SLC24A2: variants seen among roughly 807,000 people sequenced by gnomAD.
SLC24A2 encodes the protein sodium/potassium/calcium exchanger 2.
A neutral mutation model predicts 62.0 loss-of-function variants in SLC24A2; 36 were observed. That is an observed-to-expected ratio of 0.58 (90% CI 0.44 to 0.77). The LOEUF is 0.77. Among genes scored for constraint, SLC24A2 ranks in the 30% least tolerant of loss-of-function variants. The probability of loss-of-function intolerance (pLI) is 0.00; values close to 1 mark genes in which losing one functional copy is unlikely to be tolerated. For missense variants in SLC24A2, 846 were observed against 817.9 expected, an observed-to-expected ratio of 1.03 and a Z score of -0.42; for synonymous variants, 358 against 294.0, an observed-to-expected ratio of 1.22 and a Z score of -2.23.
At chr9:20,220,141 G>C in the SLC24A2 span, among the ~76,000 whole-genome samples, 1 of 151,396 alleles carries the variant, frequency 6.6e-6, no homozygotes, top group South Asian at 2.1e-4. Context: ...ATAACATGAT[G>C]GCTTCCAAGT....
chr9:20,086,083 C>T, the SLC24A2 span, among the ~76,000 whole-genome samples: 26 of 152,182 alleles, frequency 1.7e-4, no homozygotes, highest in Non-Finnish European at 2.9e-5. Context: ...AACCAGATGA[C>T]ACTGTTGCTC....
the SLC24A2 span, among the ~76,000 whole-genome samples, chr9:20,125,382 T>C: frequency 4.6e-5 from 7 of 152,238 alleles, no homozygotes; most frequent in Admixed American, 2.6e-4. Flanking sequence ...TGAACCTTTA[T>C]CTGCTCAACT....
chr9:20,097,693 G>A, the SLC24A2 span, among the ~76,000 whole-genome samples: 1 of 138,612 alleles, frequency 7.2e-6, no homozygotes, highest in Non-Finnish European at 1.5e-5. Context: ...TGTCCAGATT[G>A]GATCCAGGGT....
chr9:19,707,978 GATGACATGACT>G (rs1415350025), intron 2 of SLC24A2, among the ~76,000 whole-genome samples: 4 of 152,200 alleles, frequency 2.6e-5, no homozygotes, highest in Non-Finnish European at 5.9e-5. Context: ...CCTGTTTGCA[GATGACATGACT>G]GTGTATCTAT....
In SLC24A2 at chr9:19,545,021, T is replaced by C. The variant is rs545767411; in HGVS notation, c.1479+5116A>G. Reference sequence around the variant, plus strand: ...TCCTGGATGATATCCCGAAAAGTGTTTTCCAACTTGGTTCCATTCTCTCCA... The same window carrying C: ...TCCTGGATGATATCCCGAAAAGTGTCTTCCAACTTGGTTCCATTCTCTCCA... On this transcript the variant is annotated intron_variant, in intron 8 of 10. Coordinates refer to ENST00000341998, the MANE Select transcript of SLC24A2 (RefSeq NM_020344.4). Among the ~76,000 whole-genome samples, 47 of 152,276 alleles carry C rather than the reference T, an allele frequency of 3.1e-4. No individual in the cohort carries two copies. The East Asian group carries it at 9.1e-3, about 29-fold the overall frequency.
the SLC24A2 span, among the ~76,000 whole-genome samples, chr9:20,195,181 T>A: frequency 4.6e-5 from 7 of 152,192 alleles, no homozygotes; most frequent in African/African-American, 1.7e-4. Context: ...TTACTGTTGA[T>A]GGCTATTTGC....
the SLC24A2 span, among the ~76,000 whole-genome samples, chr9:20,256,464 C>G: frequency 5.9e-5 from 9 of 152,194 alleles, no homozygotes; most frequent in Non-Finnish European, 2.9e-5. Context: ...AGTAGAGTGT[C>G]TGGGCCTGCA....
chr9:19,579,133 T>C (rs1044553753), intron 5 of SLC24A2, among the ~76,000 whole-genome samples: 2 of 152,144 alleles, frequency 1.3e-5, no homozygotes, highest in Non-Finnish European at 2.9e-5. Flanking sequence ...GTTGTTTCTA[T>C]TTAATTTCCA....
chr9:20,239,668 C>T, the SLC24A2 span, among the ~76,000 whole-genome samples: 1 of 152,200 alleles, frequency 6.6e-6, no homozygotes, highest in Non-Finnish European at 1.5e-5. Flanking sequence ...CAGGATCCAT[C>T]ATAAGACTTG....
chr9:19,713,667 G>A (rs1259737323), intron 2 of SLC24A2, among the ~76,000 whole-genome samples: 3 of 152,110 alleles, frequency 2.0e-5, no homozygotes, highest in Non-Finnish European at 4.4e-5. Flanking sequence ...TTGAAAATGT[G>A]TTTCCAAGAG....
At chr9:19,855,966 T>G in the SLC24A2 span, among the ~76,000 whole-genome samples, 5,113 of 152,308 alleles carry the variant, frequency 0.034, 268 homozygotes, top group African/African-American at 0.12. Flanking sequence ...TCATAGTTCT[T>G]GGAGGTTTTG....
chr9:19,919,744 A>G, the SLC24A2 span, among the ~76,000 whole-genome samples: 1 of 152,194 alleles, frequency 6.6e-6, no homozygotes, highest in African/African-American at 2.4e-5. Flanking sequence ...GTCCTTCTTC[A>G]CATGATGGCA....
chr9:20,065,881 G>A, the SLC24A2 span, among the ~76,000 whole-genome samples: 9 of 152,240 alleles, frequency 5.9e-5, no homozygotes, highest in East Asian at 1.4e-3. Context: ...ATGATAATAA[G>A]CCAGCCAAAA....
the SLC24A2 span, among the ~76,000 whole-genome samples, chr9:19,995,168 G>T: frequency 2.6e-5 from 4 of 151,162 alleles, no homozygotes; most frequent in African/African-American, 7.3e-5. Flanking sequence ...ACATAAACTT[G>T]CAACAAATAT....
chr9:19,976,141 C>G, the SLC24A2 span, among the ~76,000 whole-genome samples: 1 of 152,240 alleles, frequency 6.6e-6, no homozygotes, highest in Admixed American at 6.5e-5. Context: ...GCCTCAGCCT[C>G]CCAAAGTCCT....
chr9:20,288,790 A>G, the SLC24A2 span, among the ~76,000 whole-genome samples: 2 of 151,600 alleles, frequency 1.3e-5, no homozygotes, highest in Non-Finnish European at 2.9e-5. Context: ...ACACAATGCA[A>G]CTTCCCAGGC....
At chr9:19,530,205 T>C (rs941130934) in intron 8 of SLC24A2, among the ~76,000 whole-genome samples, 1 of 151,962 alleles carries the variant, frequency 6.6e-6, no homozygotes, top group African/African-American at 2.4e-5. Context: ...CCTTTTCATC[T>C]GGTCACAGTC....
the SLC24A2 span, among the ~76,000 whole-genome samples, chr9:19,843,845 G>A: frequency 6.6e-6 from 1 of 152,114 alleles, no homozygotes; most frequent in South Asian, 2.1e-4. Flanking sequence ...TTGCTGCAAA[G>A]GACATGATTT....
chr9:19,874,120 C>A, the SLC24A2 span, among the ~76,000 whole-genome samples: 1 of 134,724 alleles, frequency 7.4e-6, no homozygotes, highest in Admixed American at 8.4e-5. Flanking sequence ...GGCTCTGTTG[C>A]CCAGGCTGGA....
Sources: allele counts gnomAD v4.1 joint callset (sites outside exome capture counted in the v4.1 genomes callset), GRCh38; gene constraint gnomAD v4.1.1; transcripts MANE v1.5; gene names NCBI Gene and HGNC (gene_info 2026-07-23, HGNC 2026-07-21).